Variants in PLXNA1 observed in about 807,000 individuals in gnomAD.
PLXNA1 encodes plexin-A1.
In PLXNA1, 77 loss-of-function variants were observed where a neutral mutation model predicts 191.7. The observed-to-expected ratio is 0.40, with a 90% CI of 0.33 to 0.49. The LOEUF (loss-of-function observed/expected upper bound fraction) is 0.49. Ranked by LOEUF, PLXNA1 falls within the 20% of genes least tolerant of loss-of-function variation. The probability of loss-of-function intolerance (pLI) is 0.63; values close to 1 mark genes in which losing one functional copy is unlikely to be tolerated. For missense variants in PLXNA1, 2,110 were observed against 2,660.2 expected (o/e 0.79, Z 4.55); for synonymous variants, 1,137 against 1,156.4 (o/e 0.98, Z 0.34).
In PLXNA1 at chr3:126,985,339, C is replaced by G. The variant is rs531962297; in HGVS notation, c.-74+2052C>G. 2.0e-5 allele frequency among the ~76,000 whole-genome samples: 3 copies of G among 152,276 alleles called. No individual in the cohort carries two copies. In the South Asian group the frequency reaches 6.2e-4, roughly 32 times the overall value. On this transcript the variant is annotated intron_variant, in intron 1 of 31. Coordinates refer to ENST00000393409, the MANE Select transcript of PLXNA1 (RefSeq NM_032242.4). ...CCGCCTCTCTCTCCCTGGCTAGCCC[C>G]ATCGGCATCCCAAGGCCAGTCTAGC...
chr3:127,030,445 C>G (rs367694657), intron 29 of PLXNA1, 33 bp downstream of exon 29: 25 of 1,609,608 alleles, frequency 1.6e-5, no homozygotes, highest in African/African-American at 1.1e-4. Context: ...GGGGCATCCC[C>G]CAGGGCCAGG....
intron 4 of PLXNA1, among the ~76,000 whole-genome samples, chr3:127,004,111 C>T (rs892234234): frequency 2.0e-5 from 3 of 152,368 alleles, no homozygotes; most frequent in Middle Eastern, 3.4e-3. Flanking sequence ...CGTTTTTCCT[C>T]TGCCCCTCCT....
chr3:127,001,725 G>C (rs1474223654), intron 3 of PLXNA1, among the ~76,000 whole-genome samples: 5 of 152,236 alleles, frequency 3.3e-5, no homozygotes, highest in African/African-American at 1.2e-4. Context: ...GGCTGCGCAG[G>C]TGCGGTGATT....
At chr3:127,014,940 G>C (rs1036571269) in intron 14 of PLXNA1, 109 bp downstream of exon 14, 41 of 1,482,956 alleles carry the variant, frequency 2.8e-5, no homozygotes, top group Non-Finnish European at 3.5e-5. Flanking sequence ...CTCTGCCACT[G>C]CTTTTCCACG....
Position 127,014,461 on chromosome 3 carries a change from G to C in PLXNA1, c.2605-17G>C, listed in dbSNP as rs751389874. ...CGCCCTGTGGGATGCCTGTACCCCAGCCTCTGCCTCCCTCAGCTGTCCCCC... is the reference window on the plus strand; with the variant it reads ...CGCCCTGTGGGATGCCTGTACCCCACCCTCTGCCTCCCTCAGCTGTCCCCC... On this transcript the variant is annotated splice_polypyrimidine_tract_variant and intron_variant, in intron 12 of 31. Transcript: ENST00000393409. 1 of 1,598,540 alleles carries C rather than the reference G, an allele frequency of 6.3e-7. No individual in the cohort carries two copies. Among genetic ancestry groups the C allele is most frequent in the Non-Finnish European group, 8.5e-7 (1 of 1,178,564 alleles).
At position 127,007,758 on chromosome 3, in the gene PLXNA1, T is replaced by C. The variant is rs766945079; in HGVS notation, c.1998-41T>C. ...TCTGATCATGGGTGACTCCACGTGG[T>C]TGCGGGTCCCCAGGCTTCAGCACCC... On this transcript the variant is annotated intron_variant, in intron 8 of 31. Coordinates refer to ENST00000393409, the MANE Select transcript of PLXNA1 (RefSeq NM_032242.4). 21 of 1,346,682 alleles carry C rather than the reference T, an allele frequency of 1.6e-5. No homozygotes were observed. In the East Asian group the frequency reaches 4.2e-4, roughly 27 times the overall value. The allele number at this position is 1,346,682 out of a possible 1,614,324, so 83.4% of individuals were successfully genotyped here.
At chr3:126,983,355 G>C (rs919663339) in intron 1 of PLXNA1, among the ~76,000 whole-genome samples, 68 bp downstream of exon 1, 4 of 144,964 alleles carry the variant, frequency 2.8e-5, no homozygotes, top group African/African-American at 9.9e-5. Context: ...GCTGGGGTCC[G>C]GGGCCGGGCG....
chr3:127,023,203 G>T (rs2079160785), intron 23 of PLXNA1, among the ~76,000 whole-genome samples: 1 of 152,184 alleles, frequency 6.6e-6, no homozygotes, highest in South Asian at 2.1e-4. Flanking sequence ...TGACCGCACT[G>T]GGCTTCCCCT....
intron 10 of PLXNA1, 59 bp downstream of exon 10, chr3:127,012,217 C>T (rs544489973): frequency 1.5e-5 from 23 of 1,547,168 alleles, no homozygotes; most frequent in Middle Eastern, 2.3e-4. Context: ...GTTATCCTCA[C>T]GGCCCTGGGT....
intron 1 of PLXNA1, among the ~76,000 whole-genome samples, chr3:126,986,920 C>A (rs6802049): frequency 0.57 from 86,941 of 152,054 alleles, 27,062 homozygotes; most frequent in Non-Finnish European, 0.69. Flanking sequence ...AAAATGGGGC[C>A]AGACCATACA....
At chr3:126,999,447 G>T (rs115166077) in intron 3 of PLXNA1, among the ~76,000 whole-genome samples, 2,197 of 152,316 alleles carry the variant, frequency 0.014, 27 homozygotes, top group Non-Finnish European at 0.022. Flanking sequence ...CCATCATGGG[G>T]CAGGCAGAGT....
intron 23 of PLXNA1, among the ~76,000 whole-genome samples, chr3:127,025,932 C>CT (rs2079174494): frequency 1.3e-5 from 2 of 152,196 alleles, no homozygotes; most frequent in African/African-American, 4.8e-5. Context: ...GAAACAAAAA[C>CT]TTTAACTAGA....
intron 19 of PLXNA1, 128 bp downstream of exon 19, chr3:127,018,020 C>T: frequency 7.7e-7 from 1 of 1,298,338 alleles, no homozygotes; most frequent in Non-Finnish European, 1.0e-6. Context: ...CGCCCGGCTC[C>T]AGTGCAGGCC....
intron 20 of PLXNA1, among the ~76,000 whole-genome samples, chr3:127,018,833 TCA>T (rs1208093539): frequency 2.6e-5 from 4 of 152,214 alleles, no homozygotes; most frequent in Admixed American, 1.3e-4. Context: ...CTTCTGTGGC[TCA>T]GTCTTGTCGT....
chr3:126,986,715 A>T (rs1264558440), intron 1 of PLXNA1, among the ~76,000 whole-genome samples: 2 of 152,092 alleles, frequency 1.3e-5, no homozygotes, highest in Non-Finnish European at 2.9e-5. Flanking sequence ...ACCCTTCACG[A>T]GTCCTGTGCT....
intron 21 of PLXNA1, among the ~76,000 whole-genome samples, chr3:127,021,727 C>T (rs370664669): frequency 2.0e-5 from 3 of 152,198 alleles, no homozygotes; most frequent in South Asian, 2.1e-4. Flanking sequence ...GGCCCAGTCA[C>T]GGAGAGGGTG....
intron 3 of PLXNA1, among the ~76,000 whole-genome samples, chr3:126,998,830 G>C (rs532395908): frequency 6.6e-6 from 1 of 152,196 alleles, no homozygotes; most frequent in Non-Finnish European, 1.5e-5. Flanking sequence ...CTGTGTGCTG[G>C]GGGTTGGGGG....
At chr3:127,025,389 C>T (rs1267992947) in intron 23 of PLXNA1, among the ~76,000 whole-genome samples, 1 of 152,204 alleles carries the variant, frequency 6.6e-6, no homozygotes, top group Non-Finnish European at 1.5e-5. Flanking sequence ...TATTTATTTT[C>T]ATAGCTTGTT....
chr3:127,003,321 C>T lies in PLXNA1; in HGVS notation c.1378-9C>T. 6.3e-7 allele frequency: 1 copy of T among 1,585,172 alleles called. No homozygotes were observed. Among genetic ancestry groups the T allele is most frequent in the South Asian group, 1.1e-5 (1 of 88,802 alleles). ...GCACAGCTCCAGTTAGGGCCCCTTGCTGCCGCAGATCCTGGTGGACCTCTC... is the reference window on the plus strand; with the variant it reads ...GCACAGCTCCAGTTAGGGCCCCTTGTTGCCGCAGATCCTGGTGGACCTCTC... On this transcript the variant is annotated splice_polypyrimidine_tract_variant and intron_variant, in intron 3 of 31. Transcript: ENST00000393409.
Sources: allele counts gnomAD v4.1 joint callset (sites outside exome capture counted in the v4.1 genomes callset), GRCh38; gene constraint gnomAD v4.1.1; transcripts MANE v1.5; gene names NCBI Gene and HGNC (gene_info 2026-07-23, HGNC 2026-07-21).